Variants in PTPRQ observed in about 807,000 individuals in gnomAD.
The protein encoded by PTPRQ is protein tyrosine phosphatase receptor type Q.
PTPRQ carries 199 observed loss-of-function variants against 246.0 expected under a neutral mutation model. The ratio of observed to expected loss-of-function variants is 0.81; its 90% CI spans 0.72 to 0.91. PTPRQ has a LOEUF of 0.91. PTPRQ is among the 40% of genes least tolerant of loss of function. The probability of loss-of-function intolerance (pLI) is 0.00; values close to 1 mark genes in which losing one functional copy is unlikely to be tolerated. For missense variants in PTPRQ, 2,624 were observed against 2,528.4 expected, an observed-to-expected ratio of 1.04 and a Z score of -0.81; for synonymous variants, 869 against 853.2, an observed-to-expected ratio of 1.02 and a Z score of -0.32.
chr12:80,491,579 C>T (rs895927299), intron 9 of PTPRQ, among the ~76,000 whole-genome samples: 1 of 151,914 alleles, frequency 6.6e-6, no homozygotes, highest in Admixed American at 6.6e-5. Context: ...CATGACAGCA[C>T]TTTTCTGGGT....
At position 80,619,399 on chromosome 12, in the gene PTPRQ, A is replaced by T; in HGVS notation, c.5246A>T (p.Lys1749Ile). The change falls in exon 31 of 45, where the codon AAA (lysine) becomes ATA (isoleucine). Residue 1749 changes from lysine (K) to isoleucine (I), a missense_variant. Coordinates refer to ENST00000644991, the MANE Select transcript of PTPRQ (RefSeq NM_001145026.2). ...TTGTTTATAGCTCCAGCACGACCAA[A>T]AACCAAACCAACCCCTATTTATGAT... is the stretch of plus-strand genomic sequence containing the variant. Reference protein sequence around the residue: ...TMDIKAPARPKTKPTPIYDAT... With the variant: ...TMDIKAPARPITKPTPIYDAT... 6.5e-7 allele frequency: 1 copy of T among 1,547,454 alleles called. No homozygotes were observed. The highest frequency in any genetic ancestry group is 8.7e-7 in the Non-Finnish European group (1 of 1,144,358).
chr12:80,521,348 C>A (rs1452291707), intron 17 of PTPRQ, among the ~76,000 whole-genome samples: 1 of 152,134 alleles, frequency 6.6e-6, no homozygotes, highest in Non-Finnish European at 1.5e-5. Flanking sequence ...TTTTGCTGTG[C>A]AGAAGCTCTT....
chr12:80,476,172 AT>A (rs945795213), intron 8 of PTPRQ, among the ~76,000 whole-genome samples: 1 of 152,156 alleles, frequency 6.6e-6, no homozygotes, highest in Non-Finnish European at 1.5e-5. Flanking sequence ...GCAAAATAAA[AT>A]TTTAAAAAGA....
At chr12:80,631,362 AG>A (rs1202413851) in intron 33 of PTPRQ, among the ~76,000 whole-genome samples, 20 of 152,174 alleles carry the variant, frequency 1.3e-4, no homozygotes, top group African/African-American at 4.6e-4. Flanking sequence ...TGAAGATAAA[AG>A]TTTAAAAAAA....
At chr12:80,468,467 A>T (rs1485562056) in intron 6 of PTPRQ, among the ~76,000 whole-genome samples, 3 of 152,220 alleles carry the variant, frequency 2.0e-5, no homozygotes, top group African/African-American at 7.2e-5. Flanking sequence ...TGCGCAGTGC[A>T]ATAGTAAACA....
intron 17 of PTPRQ, among the ~76,000 whole-genome samples, chr12:80,532,438 C>T (rs1357765802): frequency 6.6e-6 from 1 of 152,032 alleles, no homozygotes; most frequent in African/African-American, 2.4e-5. Flanking sequence ...CCAGGCTGAC[C>T]TTAAACTCCT....
intron 25 of PTPRQ, among the ~76,000 whole-genome samples, chr12:80,571,385 G>T (rs973570185): frequency 7.2e-5 from 11 of 152,190 alleles, no homozygotes; most frequent in African/African-American, 2.7e-4. Flanking sequence ...TGATCTACCA[G>T]CCTTGGACTC....
At chr12:80,631,871 G>A (rs996423406) in intron 33 of PTPRQ, among the ~76,000 whole-genome samples, 3 of 152,102 alleles carry the variant, frequency 2.0e-5, no homozygotes, top group Admixed American at 6.6e-5. Context: ...AAATAAAGAC[G>A]TCTGGTAGGC....
At chr12:80,584,903 G>C (rs1219888351) in intron 25 of PTPRQ, among the ~76,000 whole-genome samples, 1 of 151,876 alleles carries the variant, frequency 6.6e-6, no homozygotes, top group Non-Finnish European at 1.5e-5. Flanking sequence ...CCTAAAGATA[G>C]TGTTTTCTCT....
chr12:80,677,865 T>C lies in PTPRQ; in HGVS notation c.6739-737T>C, dbSNP rs991157333. 3.9e-5 allele frequency among the ~76,000 whole-genome samples: 6 copies of C among 152,344 alleles called. No homozygotes were observed. The East Asian group carries it at 5.8e-4, about 15-fold the overall frequency. ...CCTTTAAAGTCAGATATGTTTGTTA[T>C]GTGCAAATGAGGGTGATTTGAAATA... On this transcript the variant is annotated intron_variant, in intron 43 of 44. Transcript: ENST00000644991.
intron 43 of PTPRQ, among the ~76,000 whole-genome samples, chr12:80,675,795 G>T (rs1656354049): frequency 6.6e-6 from 1 of 152,152 alleles, no homozygotes; most frequent in African/African-American, 2.4e-5. Context: ...GGGTGGGGCA[G>T]GGATTAGAAA....
At chr12:80,577,320 T>C (rs1427849899) in intron 25 of PTPRQ, among the ~76,000 whole-genome samples, 1 of 152,100 alleles carries the variant, frequency 6.6e-6, no homozygotes, top group Non-Finnish European at 1.5e-5. Flanking sequence ...ACCTCCTTCT[T>C]CACATGGCAG....
At chr12:80,678,827 G>T in intron 44 of PTPRQ, 102 bp downstream of exon 44, 2 of 1,447,806 alleles carry the variant, frequency 1.4e-6, no homozygotes, top group Non-Finnish European at 9.1e-7. Context: ...TAAGAAGCTG[G>T]ATTAGTGCAC....
chr12:80,646,825 A>C (rs561956703), intron 35 of PTPRQ, among the ~76,000 whole-genome samples: 9 of 152,222 alleles, frequency 5.9e-5, no homozygotes, highest in Non-Finnish European at 1.3e-4. Flanking sequence ...AACTTTTGGT[A>C]GAGTTTTTCA....
rs1011016621 is a variant in PTPRQ, at chr12:80,620,150, A to C, written c.5390-4A>C. 13 of 1,532,982 alleles carry C rather than the reference A, an allele frequency of 8.5e-6. No individual in the cohort carries two copies. The Admixed American group carries it at 2.3e-4, about 27-fold the overall frequency. The allele number at this position is 1,532,982 out of a possible 1,614,324, so 95.0% of individuals were successfully genotyped here. A position where few individuals can be genotyped will look rare whatever the true frequency, so the allele number is the denominator to read the frequency against. On this transcript the variant is annotated splice_polypyrimidine_tract_variant and splice_region_variant and intron_variant, in intron 31 of 44. Coordinates refer to ENST00000644991, the MANE Select transcript of PTPRQ (RefSeq NM_001145026.2). ...ATTATTGTTCTCTTTGTTTCTGAAA[A>C]CAGCTCAGCATGATGGAAATGTAAC...
chr12:80,444,542 A>G (rs1892493338), intron 1 of PTPRQ, 143 bp downstream of exon 1: 1 of 709,750 alleles, frequency 1.4e-6, no homozygotes, highest in South Asian at 1.8e-5. Context: ...ACGTTTTGTA[A>G]GTTTTTATTT....
At chr12:80,619,338 T>C (rs749435957) in intron 30 of PTPRQ, 46 bp from the exon 31 acceptor site, 20 of 1,513,920 alleles carry the variant, frequency 1.3e-5, no homozygotes, top group Non-Finnish European at 1.7e-5. Flanking sequence ...CTTTTGTTGA[T>C]GAAACAATAA....
rs112682685 is a variant in PTPRQ, at chr12:80,640,217, A to G, written c.5915+5144A>G. ...ATTTCTTTGTTGTCTCATGATATGA[A>G]GCAAAGAAGTGATGGCATTTAATGT... is the stretch of plus-strand genomic sequence containing the variant. On this transcript the variant is annotated intron_variant, in intron 35 of 44. Transcript: ENST00000644991. Among the ~76,000 whole-genome samples the G allele has an allele frequency of 2.4e-3, 362 of 152,348 alleles. 2 individuals carry two copies. The highest frequency in any genetic ancestry group is 8.1e-3 in the African/African-American group (337 of 41,586).
Position 80,460,777 on chromosome 12 carries a change from GGAAA to G in PTPRQ, c.788_791del (p.Lys263SerfsTer6), listed in dbSNP as rs1447104551. Reference sequence around the variant, plus strand: ...ACACAGAATGAGATCAGCTCTGTGTGGAAAGAGCCTATCAGTTTTGTAGTGACAC... The same window carrying G: ...ACACAGAATGAGATCAGCTCTGTGTGGAGCCTATCAGTTTTGTAGTGACAC... On this transcript the variant is annotated frameshift_variant, in exon 6 of 45. Transcript: ENST00000644991. LOFTEE classifies it high-confidence loss of function. The G allele has an allele frequency of 2.5e-6, 1 of 400,440 alleles. No individual in the cohort carries two copies. Among genetic ancestry groups the G allele is most frequent in the Non-Finnish European group, 4.4e-6 (1 of 226,200 alleles). 24.8% of individuals were successfully genotyped at this position (400,440 alleles called of 1,614,324 possible).
Sources: allele counts gnomAD v4.1 joint callset (sites outside exome capture counted in the v4.1 genomes callset), GRCh38; gene constraint gnomAD v4.1.1; transcripts MANE v1.5; gene names NCBI Gene and HGNC (gene_info 2026-07-23, HGNC 2026-07-21).